The following HERC1 variants were observed in gnomAD, a reference collection of about 807,000 sequenced individuals.
HERC1 encodes probable E3 ubiquitin-protein ligase HERC1.
Under a neutral mutation model 554.3 loss-of-function variants are expected in HERC1, and 160 were observed. That is an observed-to-expected ratio of 0.29 (90% CI 0.25 to 0.33). HERC1 has a LOEUF of 0.33. Ranked by LOEUF, HERC1 falls within the 10% of genes least tolerant of loss-of-function variation. The pLI is 1.00. For missense variants in HERC1, 4,919 were observed against 5,918.5 expected (o/e 0.83, Z 5.54); for synonymous variants, 2,175 against 2,131.7 (o/e 1.02, Z -0.56).
At position 63,616,483 on chromosome 15, in the gene HERC1, TGA is replaced by T; in HGVS notation, c.13886_13887del (p.Leu4629GlnfsTer7). 6.2e-7 allele frequency: 1 copy of T among 1,614,002 alleles called. No individual in the cohort carries two copies. The highest frequency in any genetic ancestry group is 8.5e-7 in the Non-Finnish European group (1 of 1,179,882). ...CTGTCTTCAATGTGAAGAATGCTGT[TGA>T]GAGTCTGCACGTAGAGCAGATCCAC... ...EEVDLLYVQT[L>X]NSILHIEDSG... On this transcript the variant is annotated frameshift_variant, in exon 75 of 78. Transcript: ENST00000443617. LOFTEE classifies it high-confidence loss of function.
chr15:63,637,717 T>G, intron 63 of HERC1, 74 bp from the exon 64 acceptor site: 1 of 1,216,158 alleles, frequency 8.2e-7, no homozygotes, highest in Non-Finnish European at 1.2e-6. Flanking sequence ...TTGAAATGAT[T>G]CCACGTATAC....
intron 2 of HERC1, among the ~76,000 whole-genome samples, chr15:63,771,114 A>G (rs1242273432): frequency 1.3e-5 from 2 of 151,882 alleles, no homozygotes; most frequent in African/African-American, 4.8e-5. Flanking sequence ...GCTTGAACCC[A>G]GGAGGCAGAG....
intron 7 of HERC1, 71 bp from the exon 8 acceptor site, chr15:63,753,156 T>TCTG: frequency 8.7e-7 from 1 of 1,155,138 alleles, no homozygotes; most frequent in Admixed American, 3.1e-5. Flanking sequence ...ACTACTAAAG[T>TCTG]TGATAAGGAG....
In HERC1 at chr15:63,646,464, T is replaced by G. The variant is rs1323466523; in HGVS notation, c.10879-782A>C. Reference sequence around the variant, plus strand: ...CATAAGTGACTGATGTAAAAAAATTTTAAAAGAAACTAGTATCAAGCAATA... The same window carrying G: ...CATAAGTGACTGATGTAAAAAAATTGTAAAAGAAACTAGTATCAAGCAATA... On this transcript the variant is annotated intron_variant, in intron 55 of 77. Coordinates refer to ENST00000443617, the MANE Select transcript of HERC1 (RefSeq NM_003922.4). Among the ~76,000 whole-genome samples the G allele has an allele frequency of 4.6e-5, 7 of 151,462 alleles. No homozygotes were observed. In the South Asian group the frequency reaches 1.5e-3, roughly 32 times the overall value.
chr15:63,683,256 G>C (rs905133382), intron 34 of HERC1, among the ~76,000 whole-genome samples: 19 of 151,960 alleles, frequency 1.3e-4, no homozygotes, highest in African/African-American at 3.9e-4. Flanking sequence ...AAACATACTA[G>C]TGGGACACAA....
chr15:63,619,132 T>G (rs1173162492), intron 74 of HERC1, among the ~76,000 whole-genome samples: 2 of 152,236 alleles, frequency 1.3e-5, no homozygotes, highest in African/African-American at 4.8e-5. Flanking sequence ...GGCTGTGGGT[T>G]TATCATAGAT....
At chr15:63,672,826 A>C in intron 38 of HERC1, 132 bp from the exon 39 acceptor site, 2 of 648,064 alleles carry the variant, frequency 3.1e-6, no homozygotes, top group Non-Finnish European at 5.2e-6. Context: ...ATTTCTATGA[A>C]AGATTGACAG....
intron 1 of HERC1, among the ~76,000 whole-genome samples, chr15:63,782,960 T>A (rs1219904950): frequency 1.3e-5 from 2 of 152,192 alleles, no homozygotes; most frequent in Non-Finnish European, 2.9e-5. Context: ...TGCAGCAATC[T>A]CATGATAAAA....
chr15:63,759,414 A>G (rs2142161617), intron 3 of HERC1, among the ~76,000 whole-genome samples: 1 of 152,362 alleles, frequency 6.6e-6, no homozygotes, highest in Non-Finnish European at 1.5e-5. Flanking sequence ...GCTGCCTGCC[A>G]AAAGCATAGG....
chr15:63,651,359 G>A lies in HERC1; in HGVS notation c.10440C>T (p.Ser3480=), dbSNP rs756964258. Residue 3480 remains serine, a synonymous_variant, in exon 53 of 78, where the codon AGC becomes AGT. Coordinates refer to ENST00000443617, the MANE Select transcript of HERC1 (RefSeq NM_003922.4). ...FNRLEGDAEE[S]LGSPSDPSFS... ...AACTTGGATCACTGGGTGATCCCAG[G>A]CTTTCCTCAGCATCCCCTTCCCTAG... 4 of 1,613,318 alleles carry A rather than the reference G, an allele frequency of 2.5e-6. No individual in the cohort carries two copies. Among genetic ancestry groups the A allele is most frequent in the African/African-American group, 1.3e-5 (1 of 75,038 alleles).
At chr15:63,810,927 T>C (rs1257269932) in intron 1 of HERC1, among the ~76,000 whole-genome samples, 6 of 152,224 alleles carry the variant, frequency 3.9e-5, no homozygotes, top group Admixed American at 1.3e-4. Flanking sequence ...AATGTTTAAC[T>C]TGAATATGTG....
intron 11 of HERC1, 101 bp downstream of exon 11, chr15:63,747,623 G>A (rs2075102445): frequency 7.7e-6 from 5 of 652,396 alleles, no homozygotes; most frequent in Non-Finnish European, 1.2e-5. Context: ...AACCAAACAA[G>A]AAAGAACAGT....
chr15:63,717,363 T>C (rs1190862750), intron 21 of HERC1, among the ~76,000 whole-genome samples: 1 of 151,942 alleles, frequency 6.6e-6, no homozygotes, highest in Non-Finnish European at 1.5e-5. Flanking sequence ...AGAGAAAGAG[T>C]TTGGTTTTTT....
rs559376721 is a variant in HERC1, at chr15:63,727,045, A to C, written c.3346+602T>G. ...GTAATCCCAGCATTTTGGGAGGCTGAGGTGGGCGGATCACAAGGTCAGGAG... is the reference window on the plus strand; with the variant it reads ...GTAATCCCAGCATTTTGGGAGGCTGCGGTGGGCGGATCACAAGGTCAGGAG... On this transcript the variant is annotated intron_variant, in intron 17 of 77. Coordinates refer to ENST00000443617, the MANE Select transcript of HERC1 (RefSeq NM_003922.4). The surrounding 1 kb of genome is among the most constrained non-coding windows in gnomAD (Gnocchi z 4.3). Among the ~76,000 whole-genome samples, 34 of 152,114 alleles carry C rather than the reference A, an allele frequency of 2.2e-4. 1 individual carries two copies. The highest frequency in any genetic ancestry group is 7.9e-4 in the Admixed American group (12 of 15,282).
At chr15:63,630,843 G>T in intron 68 of HERC1, 1 of 480,722 alleles carries the variant, frequency 2.1e-6, no homozygotes, top group Non-Finnish European at 3.6e-6. Flanking sequence ...AAACATCACA[G>T]GCTCTTTATT....
intron 34 of HERC1, among the ~76,000 whole-genome samples, chr15:63,681,952 G>A (rs1225859535): frequency 6.6e-6 from 1 of 152,106 alleles, no homozygotes; most frequent in Non-Finnish European, 1.5e-5. Flanking sequence ...ATAAGTCTCC[G>A]TCATGAGTGT....
chr15:63,708,920 T>C (rs752784135), intron 24 of HERC1, among the ~76,000 whole-genome samples: 2 of 152,232 alleles, frequency 1.3e-5, no homozygotes, highest in Non-Finnish European at 2.9e-5. Flanking sequence ...GCTTTCTCTC[T>C]AGTTCTTGTC....
chr15:63,785,216 G>A (rs947269167), intron 1 of HERC1, among the ~76,000 whole-genome samples: 1 of 152,074 alleles, frequency 6.6e-6, no homozygotes, highest in Non-Finnish European at 1.5e-5. Flanking sequence ...TTTAGGCCAG[G>A]AGTTCAAGAC....
At chr15:63,774,672 A>C in intron 2 of HERC1, 22 bp downstream of exon 2, 1 of 1,525,932 alleles carries the variant, frequency 6.6e-7, no homozygotes, top group Non-Finnish European at 8.8e-7. Flanking sequence ...TGAACTTTAA[A>C]GTTGAGACTT....
Sources: gnomAD v4.1 joint callset for allele counts (sites outside exome capture counted in the v4.1 genomes callset) on GRCh38, gnomAD v4.1.1 for gene constraint, Gnocchi (gnomAD v3.1) non-coding constraint, MANE v1.5 for transcripts, NCBI Gene and HGNC (gene_info 2026-07-23, HGNC 2026-07-21) for gene names.